Variants in SOX5 observed in about 807,000 individuals in gnomAD.
SOX5 encodes the protein transcription factor SOX-5.
SOX5 carries 9 observed loss-of-function variants against 92.0 expected under a neutral mutation model. That is an observed-to-expected ratio of 0.10 (90% CI 0.06 to 0.17). SOX5 has a LOEUF of 0.17. SOX5 is among the 10% of genes least tolerant of loss of function. SOX5 has a pLI of 1.00. For synonymous variants in SOX5, 344 were observed against 336.3 expected (o/e 1.02, Z -0.25); for missense variants, 642 against 944.5 (o/e 0.68, Z 4.20).
chr12:24,100,959 T>C (rs1412274696), intron 4 of SOX5, among the ~76,000 whole-genome samples: 2 of 152,132 alleles, frequency 1.3e-5, no homozygotes, highest in Non-Finnish European at 2.9e-5. Context: ...TTCTCCACCT[T>C]TGCAATTACC....
intron 6 of SOX5, among the ~76,000 whole-genome samples, chr12:23,718,185 T>C (rs1269640611): frequency 6.6e-6 from 1 of 152,184 alleles, no homozygotes; most frequent in African/African-American, 2.4e-5. Flanking sequence ...TTTAGTATAT[T>C]AGCACTTCTT....
intron 2 of SOX5, among the ~76,000 whole-genome samples, chr12:24,319,362 CTT>C (rs1374380623): frequency 6.6e-6 from 1 of 152,170 alleles, no homozygotes; most frequent in Non-Finnish European, 1.5e-5. Flanking sequence ...TTAAATATTT[CTT>C]TGTTTCCAAA....
At chr12:24,225,957 T>C (rs996596238) in intron 3 of SOX5, among the ~76,000 whole-genome samples, 1 of 152,146 alleles carries the variant, frequency 6.6e-6, no homozygotes, top group Non-Finnish European at 1.5e-5. Flanking sequence ...GTTTAAGTAT[T>C]AAATATAGTG....
intron 9 of SOX5, among the ~76,000 whole-genome samples, chr12:23,591,713 C>T (rs1277898355): frequency 6.6e-6 from 1 of 152,126 alleles, no homozygotes; most frequent in African/African-American, 2.4e-5. Flanking sequence ...TGAGCTCCCA[C>T]TGGCTTAAAG....
chr12:23,889,297 A>G (rs1224117144), intron 2 of SOX5, among the ~76,000 whole-genome samples: 1 of 152,194 alleles, frequency 6.6e-6, no homozygotes, highest in Non-Finnish European at 1.5e-5. Flanking sequence ...AGCACCATAT[A>G]AAAATAGAAA....
rs573129851 is a variant in SOX5, at chr12:23,542,088, C to T, written c.1771+1123G>A. Among the ~76,000 whole-genome samples, 41 of 152,250 alleles carry T rather than the reference C, an allele frequency of 2.7e-4. No homozygotes were observed. The South Asian group carries it at 5.2e-3, about 19-fold the overall frequency. ...TCACACCACTGCACTCCAGCCTGGG[C>T]GGTAAAGCGAGACTCCATCTGCAAA... On this transcript the variant is annotated intron_variant, in intron 13 of 14. Coordinates refer to ENST00000451604, the MANE Select transcript of SOX5 (RefSeq NM_006940.6).
chr12:24,125,905 C>G (rs1046416493), intron 4 of SOX5, among the ~76,000 whole-genome samples: 1 of 152,138 alleles, frequency 6.6e-6, no homozygotes, highest in African/African-American at 2.4e-5. Flanking sequence ...GGAGCTAGGC[C>G]TCTAATAACC....
intron 3 of SOX5, among the ~76,000 whole-genome samples, chr12:24,241,409 A>G (rs1040739234): frequency 6.6e-6 from 1 of 152,218 alleles, no homozygotes; most frequent in Non-Finnish European, 1.5e-5. Flanking sequence ...CTAAATAAGA[A>G]CAAAATTTGA....
chr12:23,731,440 G>A (rs999671567), intron 6 of SOX5, among the ~76,000 whole-genome samples: 1 of 152,066 alleles, frequency 6.6e-6, no homozygotes, highest in Non-Finnish European at 1.5e-5. Flanking sequence ...ATTTTGGGGA[G>A]CCCTGAGTAA....
At chr12:23,924,067 T>C (rs1281702849) in intron 1 of SOX5, among the ~76,000 whole-genome samples, 1 of 152,200 alleles carries the variant, frequency 6.6e-6, no homozygotes, top group African/African-American at 2.4e-5. Context: ...TTTCCACAAA[T>C]GTTGCCTAAA....
intron 3 of SOX5, among the ~76,000 whole-genome samples, chr12:24,261,057 CAT>C (rs1173844376): frequency 2.0e-5 from 3 of 151,968 alleles, no homozygotes; most frequent in Admixed American, 6.6e-5. Context: ...TTCAAACAAA[CAT>C]GTAAAATATT....
chr12:23,853,830 A>G (rs549062511), intron 2 of SOX5, among the ~76,000 whole-genome samples: 1 of 152,240 alleles, frequency 6.6e-6, no homozygotes, highest in South Asian at 2.1e-4. Context: ...CATCTAGCAA[A>G]TACACTTTAA....
chr12:24,109,144 C>G (rs953871245), intron 4 of SOX5, among the ~76,000 whole-genome samples: 10 of 151,944 alleles, frequency 6.6e-5, no homozygotes, highest in African/African-American at 2.4e-4. Flanking sequence ...AAATAGATAC[C>G]TTGTATGTCT....
chr12:24,448,178 C>A (rs1941767333), intron 1 of SOX5, among the ~76,000 whole-genome samples: 1 of 151,964 alleles, frequency 6.6e-6, no homozygotes, highest in Non-Finnish European at 1.5e-5. Context: ...CAAACAAAAA[C>A]AAAACAAGTG....
intron 1 of SOX5, among the ~76,000 whole-genome samples, chr12:24,452,531 T>C (rs906731396): frequency 1.3e-5 from 2 of 152,148 alleles, no homozygotes; most frequent in African/African-American, 4.8e-5. Context: ...CTTGAGTTTC[T>C]AGGAAATCAT....
At chr12:23,612,623 T>C (rs1176891396) in intron 8 of SOX5, among the ~76,000 whole-genome samples, 2 of 152,168 alleles carry the variant, frequency 1.3e-5, no homozygotes, top group East Asian at 3.8e-4. Flanking sequence ...ATATATGCAA[T>C]GTGTTAAATA....
chr12:23,689,698 T>A (rs16926611), intron 6 of SOX5, among the ~76,000 whole-genome samples: 1 of 152,000 alleles, frequency 6.6e-6, no homozygotes, highest in African/African-American at 2.4e-5. Context: ...TTTGTCATGA[T>A]ACGAAGATGA....
rs1595399852 is a variant in SOX5, at chr12:24,305,551, G to T, written c.-173-28239C>A. On this transcript the variant is annotated intron_variant, in intron 2 of 4. Coordinates refer to the SOX5 transcript ENST00000446891. ...TTTAATCTTTGCGAGATTTCTAAGA[G>T]AAAACCTAGAAGATGGAAAGGCAGT... Among the ~76,000 whole-genome samples the T allele has an allele frequency of 2.6e-5, 4 of 152,314 alleles. No individual in the cohort carries two copies. In the South Asian group the frequency reaches 8.3e-4, roughly 32 times the overall value.
intron 4 of SOX5, among the ~76,000 whole-genome samples, chr12:24,066,290 A>G (rs867461276): frequency 9.9e-5 from 15 of 152,208 alleles, no homozygotes; most frequent in South Asian, 4.1e-4. Flanking sequence ...TCACAATGTG[A>G]CTCATGTAAG....
Sources: allele counts gnomAD v4.1 joint callset (sites outside exome capture counted in the v4.1 genomes callset), GRCh38; gene constraint gnomAD v4.1.1; transcripts MANE v1.5; gene names NCBI Gene and HGNC (gene_info 2026-07-23, HGNC 2026-07-21).